GTF2H1: variants seen among roughly 807,000 people sequenced by gnomAD.
The protein encoded by GTF2H1 is general transcription factor IIH subunit 1, also known as BTF2 p62.
Under a neutral mutation model 71.2 loss-of-function variants are expected in GTF2H1, and 16 were observed. The ratio of observed to expected loss-of-function variants is 0.22; its 90% CI spans 0.15 to 0.34. GTF2H1 has a LOEUF of 0.34. Ranked by LOEUF, GTF2H1 falls within the 10% of genes least tolerant of loss-of-function variation. GTF2H1 has a pLI of 1.00. For synonymous variants in GTF2H1, 215 were observed against 219.0 expected, an observed-to-expected ratio of 0.98 and a Z score of 0.16; for missense variants, 498 against 648.2, an observed-to-expected ratio of 0.77 and a Z score of 2.52.
chr11:18,351,738 G>A, intron 9 of GTF2H1, 143 bp from the exon 10 acceptor site: 1 of 497,956 alleles, frequency 2.0e-6, no homozygotes, highest in Non-Finnish European at 3.7e-6. Flanking sequence ...TCAGCCATTT[G>A]TAGGACAGTC....
At chr11:18,354,428 T>G (rs1043178449) in intron 11 of GTF2H1, among the ~76,000 whole-genome samples, 1 of 152,236 alleles carries the variant, frequency 6.6e-6, no homozygotes, top group Non-Finnish European at 1.5e-5. Flanking sequence ...TTTATTTTTA[T>G]TTTTTAATAT....
intron 4 of GTF2H1, among the ~76,000 whole-genome samples, chr11:18,339,198 T>G (rs1399951716): frequency 3.3e-5 from 5 of 152,224 alleles, no homozygotes; most frequent in Admixed American, 2.6e-4. Flanking sequence ...TAATAAGGCC[T>G]TTCCCAAAGA....
intron 12 of GTF2H1, among the ~76,000 whole-genome samples, 156 bp from the exon 13 acceptor site, chr11:18,358,369 C>A (rs949092389): frequency 6.6e-6 from 1 of 152,220 alleles, no homozygotes; most frequent in African/African-American, 2.4e-5. Flanking sequence ...TATGATCTCT[C>A]AGCCACAAAA....
chr11:18,363,158 A>T (rs1324741919), intron 14 of GTF2H1, among the ~76,000 whole-genome samples: 1 of 152,118 alleles, frequency 6.6e-6, no homozygotes, highest in Non-Finnish European at 1.5e-5. Flanking sequence ...CCTGTGAAAC[A>T]ATACCTTCTT....
At chr11:18,326,910 A>G (rs1864781087) in intron 1 of GTF2H1, among the ~76,000 whole-genome samples, 1 of 152,094 alleles carries the variant, frequency 6.6e-6, no homozygotes, top group Non-Finnish European at 1.5e-5. Context: ...GTCCAGTTTC[A>G]TATTCTACAG....
intron 7 of GTF2H1, among the ~76,000 whole-genome samples, chr11:18,343,921 CCTCTTGGG>C (rs1196371660): frequency 6.6e-6 from 1 of 152,122 alleles, no homozygotes; most frequent in Non-Finnish European, 1.5e-5. Context: ...GCAATCTTGA[CCTCTTGGG>C]CTCAAGCAAT....
chr11:18,356,498 A>T (rs1865550278), intron 11 of GTF2H1, among the ~76,000 whole-genome samples: 1 of 152,090 alleles, frequency 6.6e-6, no homozygotes, highest in African/African-American at 2.4e-5. Context: ...ACCTGGGATT[A>T]TTTGACCAAT....
chr11:18,362,475 A>G (rs949662116), intron 14 of GTF2H1, among the ~76,000 whole-genome samples: 23 of 152,142 alleles, frequency 1.5e-4, no homozygotes, highest in African/African-American at 5.1e-4. Flanking sequence ...TTAGCTTACT[A>G]TAACATTTTT....
intron 11 of GTF2H1, among the ~76,000 whole-genome samples, chr11:18,356,985 G>A (rs1865568820): frequency 6.6e-6 from 1 of 151,824 alleles, no homozygotes; most frequent in Non-Finnish European, 1.5e-5. Flanking sequence ...TAGAGACAGG[G>A]TTTCACCATA....
intron 9 of GTF2H1, among the ~76,000 whole-genome samples, chr11:18,349,176 T>G (rs978581515): frequency 1.3e-5 from 2 of 152,220 alleles, no homozygotes; most frequent in South Asian, 4.1e-4. Context: ...GTTACAGGCA[T>G]GAGCCACTGT....
At chr11:18,360,272 G>A (rs2133990398) in intron 13 of GTF2H1, among the ~76,000 whole-genome samples, 1 of 152,176 alleles carries the variant, frequency 6.6e-6, no homozygotes, top group Admixed American at 6.5e-5. Flanking sequence ...ACAGGCGTGT[G>A]CCACCACGCC....
chr11:18,334,131 G>T (rs555297650), intron 2 of GTF2H1, among the ~76,000 whole-genome samples: 1 of 152,168 alleles, frequency 6.6e-6, no homozygotes, highest in Non-Finnish European at 1.5e-5. Flanking sequence ...TGTAATCCCA[G>T]CACTTTGGGA....
At position 18,333,073 on chromosome 11, in the gene GTF2H1, C is replaced by T. The variant is rs781082719; in HGVS notation, c.-2C>T. ...TTTCTCTCTTAGCACCTTCTAGCCA[C>T]CATGGCAACCTCATCTGAAGAAGTT... On this transcript the variant is annotated 5_prime_UTR_variant, in exon 2 of 15. Coordinates refer to ENST00000265963, the MANE Select transcript of GTF2H1 (RefSeq NM_005316.4). 179 of 1,609,088 alleles carry T rather than the reference C, an allele frequency of 1.1e-4. No homozygotes were observed. Among genetic ancestry groups the T allele is most frequent in the Non-Finnish European group, 1.5e-4 (171 of 1,178,926 alleles).
intron 7 of GTF2H1, among the ~76,000 whole-genome samples, chr11:18,345,018 CTTTTT>C (rs11345271): frequency 1.9e-4 from 28 of 147,112 alleles, no homozygotes; most frequent in Admixed American, 1.8e-3. Context: ...CATCTCTAAA[CTTTTT>C]TTTTTTTTAA....
At chr11:18,337,930 A>ATG (rs1341570049) in intron 3 of GTF2H1, among the ~76,000 whole-genome samples, 179 bp from the exon 4 acceptor site, 1 of 152,214 alleles carries the variant, frequency 6.6e-6, no homozygotes, top group African/African-American at 2.4e-5. Flanking sequence ...TCCTCCAAAA[A>ATG]TGTGGGGTAT....
chr11:18,334,589 A>G (rs1194211444), intron 2 of GTF2H1, among the ~76,000 whole-genome samples: 1 of 152,182 alleles, frequency 6.6e-6, no homozygotes, highest in African/African-American at 2.4e-5. Flanking sequence ...CAATTTCTCT[A>G]CAATTCTTCT....
At position 18,331,746 on chromosome 11, in the gene GTF2H1, A is replaced by G. The variant is rs146474899; in HGVS notation, c.-15-1314A>G. On this transcript the variant is annotated intron_variant, in intron 1 of 14. Transcript: ENST00000265963. ...TTTATTACAAGAATTTCTGATTTCT[A>G]TTGTTTTTAATCCCTGCCGTACTCC... Among the ~76,000 whole-genome samples, 160 of 151,266 alleles carry G rather than the reference A, an allele frequency of 1.1e-3. 2 individuals carry two copies. The highest frequency in any genetic ancestry group is 3.3e-3 in the African/African-American group (136 of 41,272).
intron 4 of GTF2H1, 28 bp from the exon 5 acceptor site, chr11:18,339,536 G>A (rs1309140686): frequency 4.7e-6 from 7 of 1,488,888 alleles, no homozygotes; most frequent in East Asian, 2.3e-5. Context: ...ATGCTCTAAC[G>A]TGTATGTGTG....
chr11:18,356,236 G>T (rs760248588), intron 11 of GTF2H1, among the ~76,000 whole-genome samples: 17 of 152,126 alleles, frequency 1.1e-4, no homozygotes, highest in South Asian at 4.1e-4. Flanking sequence ...AAATTAACTG[G>T]GTATGGTGGT....
Sources: gnomAD v4.1 joint callset for allele counts (sites outside exome capture counted in the v4.1 genomes callset) on GRCh38, gnomAD v4.1.1 for gene constraint, MANE v1.5 for transcripts, NCBI Gene and HGNC (gene_info 2026-07-23, HGNC 2026-07-21) for gene names.